SPAG17: variants seen among roughly 807,000 people sequenced by gnomAD.
SPAG17 encodes sperm associated antigen 17.
A neutral mutation model predicts 273.6 loss-of-function variants in SPAG17; 169 were observed. The observed-to-expected ratio is 0.62, with a 90% CI of 0.55 to 0.70. The LOEUF is 0.70. Among genes scored for constraint, SPAG17 ranks in the 30% least tolerant of loss-of-function variants. The pLI is 0.00. For missense variants in SPAG17, 2,557 were observed against 2,627.8 expected (o/e 0.97, Z 0.59); for synonymous variants, 825 against 873.2 (o/e 0.94, Z 0.97).
chr1:118,161,553 T>C (rs1249581169), intron 1 of SPAG17, among the ~76,000 whole-genome samples: 1 of 152,206 alleles, frequency 6.6e-6, no homozygotes, highest in Non-Finnish European at 1.5e-5. Context: ...TTCTTCTTTT[T>C]TTTAGACGTA....
rs1446911983 is a variant in SPAG17, at chr1:118,079,579, G to A, written c.2209+1522C>T. On this transcript the variant is annotated intron_variant, in intron 15 of 48. Coordinates refer to ENST00000336338, the MANE Select transcript of SPAG17 (RefSeq NM_206996.4). ...ATGTTTCTATGTTTTCTATTTCATT[G>A]ACGTAATTTTCATCTATGTTTTCTA... Among the ~76,000 whole-genome samples the A allele has an allele frequency of 2.0e-5, 3 of 151,764 alleles. No homozygotes were observed. The East Asian group carries it at 5.8e-4, about 29-fold the overall frequency.
intron 7 of SPAG17, among the ~76,000 whole-genome samples, chr1:118,095,512 C>T (rs1655653669): frequency 6.6e-6 from 1 of 152,266 alleles, no homozygotes; most frequent in East Asian, 1.9e-4. Context: ...TACACAAGTT[C>T]CTGATAGGGT....
At chr1:118,138,907 T>G (rs147508796) in intron 3 of SPAG17, among the ~76,000 whole-genome samples, 217 of 152,252 alleles carry the variant, frequency 1.4e-3, no homozygotes, top group African/African-American at 4.3e-3. Context: ...TATCTCTTCT[T>G]AGATACCCCT....
chr1:118,122,151 GTC>G (rs1408675359), intron 3 of SPAG17, among the ~76,000 whole-genome samples: 8 of 120,226 alleles, frequency 6.7e-5, no homozygotes, highest in African/African-American at 7.1e-5. Flanking sequence ...GTGTCTGTGT[GTC>G]TGTGTGTGTG....
chr1:117,965,231 A>G (rs1249998810), intron 47 of SPAG17: 3 of 152,250 alleles, frequency 2.0e-5, no homozygotes, highest in African/African-American at 4.8e-5. Flanking sequence ...GCATCCGTCA[A>G]TTGTGTCCGT....
At chr1:118,103,107 G>T (rs1656175258) in intron 4 of SPAG17, among the ~76,000 whole-genome samples, 1 of 152,164 alleles carries the variant, frequency 6.6e-6, no homozygotes, top group Non-Finnish European at 1.5e-5. Context: ...AATCCAACTG[G>T]CTAGAGCATA....
chr1:118,114,946 C>T (rs906511802), intron 4 of SPAG17, among the ~76,000 whole-genome samples: 1 of 152,130 alleles, frequency 6.6e-6, no homozygotes, highest in Admixed American at 6.6e-5. Flanking sequence ...AATAGTTAGA[C>T]CCGAACTGTG....
intron 24 of SPAG17, among the ~76,000 whole-genome samples, chr1:118,034,027 T>G (rs1050242507): frequency 1.3e-5 from 2 of 152,222 alleles, no homozygotes; most frequent in Non-Finnish European, 2.9e-5. Context: ...AGTGGCTCAG[T>G]GCCAGCAAGT....
At chr1:118,067,402 A>G (rs142140770) in intron 17 of SPAG17, among the ~76,000 whole-genome samples, 58 of 152,288 alleles carry the variant, frequency 3.8e-4, no homozygotes, top group African/African-American at 1.4e-3. Context: ...TAGGGCCGTC[A>G]AGATAAGATT....
At chr1:118,145,157 A>T (rs1658904501) in intron 3 of SPAG17, among the ~76,000 whole-genome samples, 1 of 152,198 alleles carries the variant, frequency 6.6e-6, no homozygotes, top group East Asian at 1.9e-4. Flanking sequence ...AAACCTCTTA[A>T]ATGTTTTCAC....
Position 118,101,831 on chromosome 1 carries a change from C to T in SPAG17, c.543G>A (p.Lys181=). 1 of 1,613,996 alleles carries T rather than the reference C, an allele frequency of 6.2e-7. No individual in the cohort carries two copies. The highest frequency in any genetic ancestry group is 2.2e-5 in the East Asian group (1 of 44,868). Residue 181 remains lysine, a synonymous_variant, in exon 5 of 49, where the codon AAG becomes AAA. Transcript: ENST00000336338. ...CATTTGCCTCAGGCTGATCCTTTCC[C>T]TTTCCTTTGGCAGGCTTGGCACTTG... ...KAPSAKPAKG[K]GKDQPEANAP... is the part of the protein sequence containing the mutation.
chr1:118,126,601 T>C (rs1200303340), intron 3 of SPAG17, among the ~76,000 whole-genome samples: 1 of 152,172 alleles, frequency 6.6e-6, no homozygotes, highest in Non-Finnish European at 1.5e-5. Context: ...GTCAGATGAA[T>C]AATTTGCAAA....
chr1:118,107,501 C>T (rs1292664349), intron 4 of SPAG17, among the ~76,000 whole-genome samples: 1 of 151,922 alleles, frequency 6.6e-6, no homozygotes, highest in Non-Finnish European at 1.5e-5. Flanking sequence ...CAATATTTAC[C>T]TCCCCCACCT....
intron 15 of SPAG17, among the ~76,000 whole-genome samples, chr1:118,078,322 T>C (rs1325912218): frequency 6.6e-6 from 1 of 152,124 alleles, no homozygotes; most frequent in Non-Finnish European, 1.5e-5. Context: ...TTTTAAATGT[T>C]TTTAAAATTA....
chr1:117,959,693 CCT>C (rs1350831663), intron 48 of SPAG17: 13 of 323,890 alleles, frequency 4.0e-5, no homozygotes, highest in Admixed American at 2.9e-4. Context: ...AAAGCTTGAG[CCT>C]TGCAGCTCAA....
intron 17 of SPAG17, among the ~76,000 whole-genome samples, chr1:118,073,031 G>A (rs1304342260): frequency 6.6e-6 from 1 of 152,122 alleles, no homozygotes; most frequent in Non-Finnish European, 1.5e-5. Flanking sequence ...ATGGGGGAAG[G>A]AGGCTGCTAT....
chr1:118,081,368 C>T lies in SPAG17; in HGVS notation c.1990+47G>A, dbSNP rs371370803. The T allele has an allele frequency of 2.2e-5, 35 of 1,611,092 alleles. 1 individual carries two copies. The highest frequency in any genetic ancestry group is 1.5e-4 in the South Asian group (14 of 91,026). ...TGAGATACAATATGAGAAAAATTGA[C>T]GATCATAAAATACAAGAATGCTTTC... is the stretch of plus-strand genomic sequence containing the variant. On this transcript the variant is annotated intron_variant, in intron 14 of 48. Coordinates refer to ENST00000336338, the MANE Select transcript of SPAG17 (RefSeq NM_206996.4).
At chr1:117,960,134 GTGTGTGTGTGTGTA>G (rs949916307) in intron 48 of SPAG17, 9 of 149,518 alleles carry the variant, frequency 6.0e-5, no homozygotes, top group African/African-American at 1.5e-4. Flanking sequence ...GTGTGTGTGT[GTGTGTGTGTGTGTA>G]TGTGTATGTG....
chr1:118,152,386 T>TA (rs1403047576), intron 1 of SPAG17, among the ~76,000 whole-genome samples: 1 of 152,228 alleles, frequency 6.6e-6, no homozygotes, highest in African/African-American at 2.4e-5. Flanking sequence ...ACAAATTTAA[T>TA]AAAATGCATC....
Sources: allele counts gnomAD v4.1 joint callset (sites outside exome capture counted in the v4.1 genomes callset), GRCh38; gene constraint gnomAD v4.1.1; transcripts MANE v1.5; gene names NCBI Gene and HGNC (gene_info 2026-07-23, HGNC 2026-07-21).